The following NDUFS4 variants were observed in gnomAD, a reference collection of about 807,000 sequenced individuals.
NDUFS4 encodes NADH dehydrogenase [ubiquinone] iron-sulfur protein 4, mitochondrial.
Under a neutral mutation model 24.3 loss-of-function variants are expected in NDUFS4, and 28 were observed. The ratio of observed to expected loss-of-function variants is 1.15; its 90% confidence interval spans 0.85 to 1.58. The LOEUF (loss-of-function observed/expected upper bound fraction) is 1.58. NDUFS4 is among the 40% of genes most tolerant of loss of function. NDUFS4 has a pLI of 0.00. For missense variants in NDUFS4, 223 were observed against 207.9 expected (o/e 1.07, Z -0.45); for synonymous variants, 93 against 69.7 (o/e 1.34, Z -1.67).
At chr5:53,592,845 A>G (rs1220927580) in intron 1 of NDUFS4, among the ~76,000 whole-genome samples, 1 of 152,172 alleles carries the variant, frequency 6.6e-6, no homozygotes, top group Non-Finnish European at 1.5e-5. Context: ...TGCATTGGCT[A>G]TTTTGAGTCT....
At chr5:53,640,229 G>A (rs2112500196) in intron 2 of NDUFS4, among the ~76,000 whole-genome samples, 2 of 152,136 alleles carry the variant, frequency 1.3e-5, no homozygotes, top group African/African-American at 4.8e-5. Flanking sequence ...GGATGTTAAA[G>A]TAGGAACTTG....
At chr5:53,660,753 A>G (rs1413351864) in intron 4 of NDUFS4, among the ~76,000 whole-genome samples, 1 of 152,212 alleles carries the variant, frequency 6.6e-6, no homozygotes, top group Non-Finnish European at 1.5e-5. Flanking sequence ...ATGGCCAGTG[A>G]TGATGGGCAT....
intron 1 of NDUFS4, among the ~76,000 whole-genome samples, chr5:53,600,373 G>A (rs545071617): frequency 2.6e-5 from 4 of 151,668 alleles, no homozygotes; most frequent in South Asian, 2.1e-4. Flanking sequence ...GCAGTGGTGC[G>A]ATCTCGGCTC....
chr5:53,652,068 C>T (rs1192926681), intron 3 of NDUFS4, among the ~76,000 whole-genome samples: 4 of 152,070 alleles, frequency 2.6e-5, no homozygotes, highest in East Asian at 1.9e-4. Context: ...CCACCGTGCC[C>T]GGCCAACTTT....
chr5:53,578,501 T>C (rs923173464), intron 1 of NDUFS4, among the ~76,000 whole-genome samples: 1 of 152,208 alleles, frequency 6.6e-6, no homozygotes, highest in Non-Finnish European at 1.5e-5. Flanking sequence ...CATGTCAGTC[T>C]AGCAGACTAG....
chr5:53,656,010 G>C (rs187735140), intron 3 of NDUFS4, among the ~76,000 whole-genome samples: 1 of 152,048 alleles, frequency 6.6e-6, no homozygotes, highest in Non-Finnish European at 1.5e-5. Flanking sequence ...CCTGCTCTGT[G>C]GATACTCTCT....
At chr5:53,620,263 G>T (rs1750991866) in intron 2 of NDUFS4, among the ~76,000 whole-genome samples, 1 of 152,044 alleles carries the variant, frequency 6.6e-6, no homozygotes, top group African/African-American at 2.4e-5. Context: ...TAGTTCTGTG[G>T]ATACTTTTCA....
At chr5:53,670,959 T>C (rs1008154950) in intron 4 of NDUFS4, among the ~76,000 whole-genome samples, 14 of 151,610 alleles carry the variant, frequency 9.2e-5, no homozygotes, top group Non-Finnish European at 1.9e-4. Context: ...ATATATTATT[T>C]ATACTCTACT....
chr5:53,568,526 C>G (rs561200860), intron 1 of NDUFS4, among the ~76,000 whole-genome samples: 33 of 152,190 alleles, frequency 2.2e-4, no homozygotes, highest in Non-Finnish European at 4.1e-4. Flanking sequence ...ATGCTTTTCA[C>G]CCATGCACAT....
intron 3 of NDUFS4, among the ~76,000 whole-genome samples, chr5:53,657,670 A>C (rs935069220): frequency 5.9e-5 from 9 of 152,152 alleles, no homozygotes; most frequent in Non-Finnish European, 1.0e-4. Flanking sequence ...CAAACCTGTA[A>C]TACCAGCACT....
intron 2 of NDUFS4, among the ~76,000 whole-genome samples, chr5:53,612,766 G>A (rs561820457): frequency 9.3e-4 from 141 of 152,214 alleles, no homozygotes; most frequent in African/African-American, 3.2e-3. Flanking sequence ...TAATATTGCT[G>A]TGTTAGAATG....
chr5:53,606,837 G>C (rs913081326), intron 2 of NDUFS4, among the ~76,000 whole-genome samples: 1 of 152,126 alleles, frequency 6.6e-6, no homozygotes, highest in Non-Finnish European at 1.5e-5. Flanking sequence ...TATGCAAACT[G>C]TATCAAGTCT....
chr5:53,587,140 A>T (rs1267148946), intron 1 of NDUFS4, among the ~76,000 whole-genome samples: 2 of 152,048 alleles, frequency 1.3e-5, no homozygotes, highest in Non-Finnish European at 2.9e-5. Flanking sequence ...TATATATATA[A>T]AATAAATTCT....
chr5:53,611,689 T>G (rs1056061427), intron 2 of NDUFS4, among the ~76,000 whole-genome samples: 21 of 152,154 alleles, frequency 1.4e-4, no homozygotes, highest in Non-Finnish European at 2.6e-4. Flanking sequence ...TGGCCCTTGG[T>G]TTTTGTTGCA....
At chr5:53,628,023 A>G (rs1336351924) in intron 2 of NDUFS4, among the ~76,000 whole-genome samples, 1 of 152,194 alleles carries the variant, frequency 6.6e-6, no homozygotes, top group Non-Finnish European at 1.5e-5. Context: ...TAGGTTTGTC[A>G]TAAATAGCTC....
intron 2 of NDUFS4, among the ~76,000 whole-genome samples, chr5:53,616,294 A>G (rs1382747317): frequency 6.6e-6 from 1 of 151,826 alleles, no homozygotes. Flanking sequence ...CTTAGAGCTT[A>G]TATTCTCATG....
chr5:53,675,965 T>G (rs568982318), intron 4 of NDUFS4, among the ~76,000 whole-genome samples: 130 of 152,288 alleles, frequency 8.5e-4, no homozygotes, highest in Non-Finnish European at 1.5e-3. Flanking sequence ...GGTTGATAAA[T>G]CTATAGGATG....
intron 2 of NDUFS4, among the ~76,000 whole-genome samples, chr5:53,634,278 G>A (rs1021311794): frequency 1.3e-5 from 2 of 152,026 alleles, no homozygotes; most frequent in South Asian, 2.1e-4. Flanking sequence ...AATCTGAAGC[G>A]TTCAGTTTTC....
chr5:53,636,415 T>G (rs1012866440), intron 2 of NDUFS4, among the ~76,000 whole-genome samples: 3 of 152,238 alleles, frequency 2.0e-5, no homozygotes, highest in Non-Finnish European at 4.4e-5. Context: ...TTTGGAGAGC[T>G]GTAGCTAGAT....
Sources: allele counts gnomAD v4.1 joint callset (sites outside exome capture counted in the v4.1 genomes callset), GRCh38; gene constraint gnomAD v4.1.1; transcripts MANE v1.5; gene names NCBI Gene and HGNC (gene_info 2026-07-23, HGNC 2026-07-21).